RBFOX1: variants seen among roughly 807,000 people sequenced by gnomAD.
RBFOX1 encodes the protein RNA binding protein fox-1 homolog 1.
In RBFOX1, 8 loss-of-function variants were observed where a neutral mutation model predicts 57.7. The observed-to-expected ratio is 0.14, with a 90% CI of 0.08 to 0.25. The LOEUF is 0.25. Among genes scored for constraint, RBFOX1 ranks in the 10% least tolerant of loss-of-function variants. The probability of loss-of-function intolerance (pLI) is 1.00; values close to 1 mark genes in which losing one functional copy is unlikely to be tolerated. For synonymous variants in RBFOX1, 326 were observed against 222.4 expected (o/e 1.47, Z -4.15); for missense variants, 611 against 548.5 (o/e 1.11, Z -1.14).
intron 2 of RBFOX1, among the ~76,000 whole-genome samples, chr16:6,358,662 T>A (rs1390332382): frequency 1.3e-5 from 2 of 152,216 alleles, no homozygotes; most frequent in Non-Finnish European, 1.5e-5. Context: ...TCATTTCACT[T>A]ACCCTAATGT....
chr16:5,380,493 T>C (rs1433110885), intron 1 of RBFOX1, among the ~76,000 whole-genome samples: 6 of 152,192 alleles, frequency 3.9e-5, no homozygotes, highest in African/African-American at 1.4e-4. Context: ...TGGGTACCTG[T>C]ATAAGTAAAT....
chr16:7,687,031 C>G (rs530847305), intron 14 of RBFOX1, among the ~76,000 whole-genome samples: 14 of 152,016 alleles, frequency 9.2e-5, no homozygotes, highest in Non-Finnish European at 2.1e-4. Flanking sequence ...GGAACTGTGT[C>G]TAAATGAAAT....
At chr16:6,286,394 C>T (rs2076911604) in intron 1 of RBFOX1, among the ~76,000 whole-genome samples, 1 of 152,192 alleles carries the variant, frequency 6.6e-6, no homozygotes, top group South Asian at 2.1e-4. Context: ...TGGCATGAGG[C>T]CAAGTCTGTG....
rs930533402 is a variant in RBFOX1, at chr16:5,881,541, G to T, written c.351+14206G>T. Among the ~76,000 whole-genome samples the T allele has an allele frequency of 8.5e-5, 13 of 152,242 alleles. No individual in the cohort carries two copies. The East Asian group carries it at 2.5e-3, about 29-fold the overall frequency. ...CCAAAAATACAAAAATTAGCTGGGT[G>T]TGGTGGCACATGCTTATAATCCCAG... On this transcript the variant is annotated intron_variant, in intron 4 of 19. Transcript: ENST00000641259.
chr16:5,548,174 A>AATATATATATATATAT (rs71142629), intron 2 of RBFOX1, among the ~76,000 whole-genome samples: 35 of 33,544 alleles, frequency 1.0e-3, no homozygotes, highest in Non-Finnish European at 1.3e-3. Flanking sequence ...AAAAAAAAAA[A>AATATATATATATATAT]ATATATATAT....
intron 2 of RBFOX1, among the ~76,000 whole-genome samples, chr16:6,643,758 A>T (rs1485242259): frequency 6.6e-6 from 1 of 152,122 alleles, no homozygotes; most frequent in Non-Finnish European, 1.5e-5. Flanking sequence ...TTCACCTGTA[A>T]AATGGAAACA....
At chr16:6,704,897 G>C (rs1000724050) in intron 3 of RBFOX1, 1 of 152,056 alleles carries the variant, frequency 6.6e-6, no homozygotes, top group Non-Finnish European at 1.5e-5. Flanking sequence ...TCTTTTAGCT[G>C]TTTCTGGATT....
Position 7,064,122 on chromosome 16 carries a change from G to A in RBFOX1, c.27+12024G>A, listed in dbSNP as rs145945562. ...TAAAAAGATAAGTAAGATAAAATGAGTCCATAAGCGTGGGCCCTAATCCAG... is the reference window on the plus strand; with the variant it reads ...TAAAAAGATAAGTAAGATAAAATGAATCCATAAGCGTGGGCCCTAATCCAG... On this transcript the variant is annotated intron_variant, in intron 4 of 15. Transcript: ENST00000550418. Among the ~76,000 whole-genome samples, 24 of 150,602 alleles carry A rather than the reference G, an allele frequency of 1.6e-4. 1 individual carries two copies. Among genetic ancestry groups the A allele is most frequent in the Non-Finnish European group, 3.2e-4 (22 of 67,796 alleles).
At chr16:7,278,722 A>C (rs548153439) in intron 4 of RBFOX1, among the ~76,000 whole-genome samples, 1 of 152,210 alleles carries the variant, frequency 6.6e-6, no homozygotes, top group African/African-American at 2.4e-5. Context: ...CAAATTGCCA[A>C]CTCATGATGT....
intron 1 of RBFOX1, among the ~76,000 whole-genome samples, chr16:6,216,783 T>C (rs2097338479): frequency 6.6e-6 from 1 of 152,240 alleles, no homozygotes; most frequent in Non-Finnish European, 1.5e-5. Flanking sequence ...AATTCTTTTA[T>C]TTCTCACGTA....
At chr16:5,353,134 G>A (rs1049363929) in intron 1 of RBFOX1, among the ~76,000 whole-genome samples, 24 of 152,128 alleles carry the variant, frequency 1.6e-4, no homozygotes, top group African/African-American at 5.8e-4. Context: ...AGCACTTTGG[G>A]AAGCCGAGGT....
intron 3 of RBFOX1, among the ~76,000 whole-genome samples, chr16:6,810,110 T>G (rs2088082167): frequency 1.3e-5 from 2 of 152,142 alleles, no homozygotes; most frequent in African/African-American, 4.8e-5. Flanking sequence ...TATCTTTTCT[T>G]GTCAACATTT....
At chr16:6,883,821 ATC>A (rs1433410704) in intron 3 of RBFOX1, among the ~76,000 whole-genome samples, 1 of 151,010 alleles carries the variant, frequency 6.6e-6, no homozygotes, top group Admixed American at 6.6e-5. Context: ...CTCTATTATT[ATC>A]TCTTTTTTCC....
At chr16:5,887,540 T>A (rs1459548933) in intron 4 of RBFOX1, among the ~76,000 whole-genome samples, 1 of 152,184 alleles carries the variant, frequency 6.6e-6, no homozygotes, top group Non-Finnish European at 1.5e-5. Context: ...TAGCTGGGAT[T>A]ACAGGCACTC....
At chr16:5,355,109 A>G (rs1013177603) in intron 1 of RBFOX1, among the ~76,000 whole-genome samples, 1 of 152,150 alleles carries the variant, frequency 6.6e-6, no homozygotes, top group Admixed American at 6.5e-5. Flanking sequence ...GAGGGATTCA[A>G]TACTAGGGTC....
At position 6,678,193 on chromosome 16, in the gene RBFOX1, G is replaced by A. The variant is rs572265669; in HGVS notation, c.-16+23543G>A. On this transcript the variant is annotated intron_variant, in intron 3 of 15. Transcript: ENST00000550418. ...GGCTGGAGTGCAGTGGCACAATCTC[G>A]GTTCACTGCAGCCTCTGCCTCCTTG... 1.8e-4 allele frequency among the ~76,000 whole-genome samples: 27 copies of A among 152,282 alleles called. No homozygotes were observed. In the East Asian group the frequency reaches 4.2e-3, roughly 24 times the overall value.
At chr16:7,375,072 G>C (rs905276054) in intron 4 of RBFOX1, among the ~76,000 whole-genome samples, 2 of 152,196 alleles carry the variant, frequency 1.3e-5, no homozygotes, top group Non-Finnish European at 2.9e-5. Context: ...GGAGGAGAAA[G>C]AACATTTTTT....
chr16:6,631,090 G>C (rs955190124), intron 2 of RBFOX1, among the ~76,000 whole-genome samples: 124 of 152,232 alleles, frequency 8.1e-4, no homozygotes, highest in African/African-American at 2.6e-3. Context: ...TTGGAGGGGG[G>C]TTGGTGCAGA....
At chr16:6,512,066 T>A (rs2096265827) in intron 2 of RBFOX1, among the ~76,000 whole-genome samples, 2 of 149,508 alleles carry the variant, frequency 1.3e-5, no homozygotes, top group East Asian at 4.0e-4. Context: ...AGCCCAGGAG[T>A]TCAAGACCAG....
Sources: allele counts gnomAD v4.1 joint callset (sites outside exome capture counted in the v4.1 genomes callset), GRCh38; gene constraint gnomAD v4.1.1; transcripts MANE v1.5; gene names NCBI Gene and HGNC (gene_info 2026-07-23, HGNC 2026-07-21).